MAMDC2: variants seen among roughly 807,000 people sequenced by gnomAD.
MAMDC2 encodes the protein MAM domain containing 2.
Under a neutral mutation model 89.8 loss-of-function variants are expected in MAMDC2, and 57 were observed. The ratio of observed to expected loss-of-function variants is 0.63; its 90% CI spans 0.51 to 0.79. The LOEUF (loss-of-function observed/expected upper bound fraction) is 0.79. Among genes scored for constraint, MAMDC2 ranks in the 30% least tolerant of loss-of-function variants. The probability of loss-of-function intolerance (pLI) is 0.00; values close to 1 mark genes in which losing one functional copy is unlikely to be tolerated. For missense variants in MAMDC2, 800 were observed against 820.6 expected, an observed-to-expected ratio of 0.97 and a Z score of 0.31; for synonymous variants, 313 against 293.4, an observed-to-expected ratio of 1.07 and a Z score of -0.68.
chr9:70,182,336 C>T (rs993932575), intron 11 of MAMDC2, among the ~76,000 whole-genome samples: 4 of 152,016 alleles, frequency 2.6e-5, no homozygotes, highest in African/African-American at 7.2e-5. Flanking sequence ...TGTGTCTCTG[C>T]CAGGTTTTGG....
At chr9:70,114,749 G>A (rs1331477200) in intron 5 of MAMDC2, among the ~76,000 whole-genome samples, 2 of 152,070 alleles carry the variant, frequency 1.3e-5, no homozygotes, top group African/African-American at 4.8e-5. Context: ...CAAGGAAGAC[G>A]CTTTCAAGAA....
intron 11 of MAMDC2, among the ~76,000 whole-genome samples, chr9:70,190,347 C>G (rs1468541659): frequency 6.6e-6 from 1 of 152,174 alleles, no homozygotes; most frequent in Non-Finnish European, 1.5e-5. Flanking sequence ...TGGCTCTGCT[C>G]TGTTAGCTTA....
chr9:70,213,394 TTTTC>T lies in MAMDC2; in HGVS notation c.1652-4940_1652-4937del, dbSNP rs376922439. ...GCTCCATAGCCAGGTGTGAACATTTTTTTCTTGTCTTAAAAATTACTTTTGGGAT... is the reference window on the plus strand; with the variant it reads ...GCTCCATAGCCAGGTGTGAACATTTTTTGTCTTAAAAATTACTTTTGGGAT... On this transcript the variant is annotated intron_variant, in intron 11 of 13. Coordinates refer to ENST00000377182, the MANE Select transcript of MAMDC2 (RefSeq NM_153267.5). Among the ~76,000 whole-genome samples, 1,242 of 152,296 alleles carry T rather than the reference TTTTC, an allele frequency of 8.2e-3. 18 individuals are homozygous for T. Among genetic ancestry groups the T allele is most frequent in the African/African-American group, 0.029 (1,194 of 41,550 alleles).
At chr9:70,101,215 A>G (rs904062325) in intron 2 of MAMDC2, among the ~76,000 whole-genome samples, 3 of 152,236 alleles carry the variant, frequency 2.0e-5, no homozygotes, top group Non-Finnish European at 4.4e-5. Context: ...GATATAAGGA[A>G]AGAAAATATT....
intron 9 of MAMDC2, among the ~76,000 whole-genome samples, chr9:70,145,297 C>T (rs1157136289): frequency 6.6e-6 from 1 of 152,182 alleles, no homozygotes; most frequent in Non-Finnish European, 1.5e-5. Flanking sequence ...TTTCTGGTAC[C>T]ATGTTTCTAC....
intron 5 of MAMDC2, among the ~76,000 whole-genome samples, chr9:70,116,916 T>C (rs2030027978): frequency 6.6e-6 from 1 of 152,126 alleles, no homozygotes; most frequent in African/African-American, 2.4e-5. Context: ...ATTTTCCCAT[T>C]CTTCCTCTTC....
chr9:70,222,157 C>T (rs1033570514), intron 12 of MAMDC2, among the ~76,000 whole-genome samples: 4 of 151,982 alleles, frequency 2.6e-5, no homozygotes, highest in African/African-American at 9.7e-5. Flanking sequence ...AGGGAGACAC[C>T]AAGATGACTC....
At chr9:70,062,589 G>T (rs1827173802) in intron 2 of MAMDC2, 1 of 152,176 alleles carries the variant, frequency 6.6e-6, no homozygotes, top group Non-Finnish European at 1.5e-5. Context: ...GCCAGATGAG[G>T]GAATCTGTAA....
chr9:70,112,584 G>C (rs1302863557), intron 4 of MAMDC2, among the ~76,000 whole-genome samples: 2 of 152,164 alleles, frequency 1.3e-5, no homozygotes, highest in African/African-American at 2.4e-5. Flanking sequence ...ACAGCTCTTT[G>C]AGACAGAGGT....
chr9:70,089,112 A>G (rs895458435), intron 2 of MAMDC2: 1 of 152,144 alleles, frequency 6.6e-6, no homozygotes, highest in Non-Finnish European at 1.5e-5. Flanking sequence ...CTGAGTTGTT[A>G]TTCTAAGTAA....
In MAMDC2 at chr9:70,085,973, TAATTA is replaced by T. The variant is rs1486451833; in HGVS notation, c.149-22234_149-22230del. 5 of 152,122 alleles carry T rather than the reference TAATTA, an allele frequency of 3.3e-5. No homozygotes were observed. In the East Asian group the frequency reaches 9.6e-4, roughly 29 times the overall value. 9.4% of individuals were successfully genotyped at this position (152,122 alleles called of 1,614,324 possible). A position where few individuals can be genotyped will look rare whatever the true frequency, so the allele number is the denominator to read the frequency against. Reference sequence around the variant, plus strand: ...TATCTTTCAACATGTTTGTTAAAGTTAATTAAATATTCAGCTACTGTTGGCAAGAT... The same window carrying T: ...TATCTTTCAACATGTTTGTTAAAGTTAATATTCAGCTACTGTTGGCAAGAT... On this transcript the variant is annotated intron_variant, in intron 2 of 13. Transcript: ENST00000377182.
At chr9:70,048,766 T>TC (rs1283665573) in intron 2 of MAMDC2, among the ~76,000 whole-genome samples, 2 of 152,122 alleles carry the variant, frequency 1.3e-5, no homozygotes, top group Non-Finnish European at 2.9e-5. Flanking sequence ...GGGGCAGAGG[T>TC]CCTTTGCCCT....
At chr9:70,109,946 T>C (rs1240163881) in intron 4 of MAMDC2, 142 bp downstream of exon 4, 9 of 694,280 alleles carry the variant, frequency 1.3e-5, no homozygotes, top group Non-Finnish European at 2.3e-5. Flanking sequence ...AATTCTTTGC[T>C]AGATTCATTT....
chr9:70,084,795 AC>A (rs1265959606), intron 2 of MAMDC2, among the ~76,000 whole-genome samples: 1 of 152,080 alleles, frequency 6.6e-6, no homozygotes, highest in East Asian at 1.9e-4. Context: ...GTTAGGCTCT[AC>A]CAGTGAGGAG....
chr9:70,126,484 G>C (rs11789358), intron 6 of MAMDC2, 69 bp downstream of exon 6: 15,337 of 1,502,126 alleles, frequency 0.01, 126 homozygotes, highest in South Asian at 0.027. Flanking sequence ...CACAGGGCTG[G>C]AGATGGAGAG....
intron 12 of MAMDC2, among the ~76,000 whole-genome samples, chr9:70,225,157 T>C (rs1435000381): frequency 6.6e-6 from 1 of 152,190 alleles, no homozygotes; most frequent in Non-Finnish European, 1.5e-5. Context: ...TGATCAGTTA[T>C]TTTCTTCTCA....
intron 6 of MAMDC2, among the ~76,000 whole-genome samples, chr9:70,127,320 C>T (rs1237304377): frequency 2.0e-5 from 3 of 152,086 alleles, no homozygotes; most frequent in African/African-American, 4.8e-5. Flanking sequence ...AAAATCTGAC[C>T]GAAAGCTGAG....
intron 11 of MAMDC2, chr9:70,175,652 C>T (rs990051815): frequency 6.6e-6 from 1 of 152,170 alleles, no homozygotes; most frequent in Non-Finnish European, 1.5e-5. Context: ...GATCTTAGAA[C>T]ATATCCCTCA....
intron 11 of MAMDC2, among the ~76,000 whole-genome samples, chr9:70,183,365 C>A (rs746650385): frequency 6.6e-6 from 1 of 152,052 alleles, no homozygotes; most frequent in Non-Finnish European, 1.5e-5. Context: ...CTATTAGGTC[C>A]GCTTGGTCCA....
Sources: allele counts gnomAD v4.1 joint callset (sites outside exome capture counted in the v4.1 genomes callset), GRCh38; gene constraint gnomAD v4.1.1; transcripts MANE v1.5; gene names NCBI Gene and HGNC (gene_info 2026-07-23, HGNC 2026-07-21).